Variants in LPP observed in about 807,000 individuals in gnomAD.
The protein encoded by LPP is lipoma-preferred partner.
LPP carries 38 observed loss-of-function variants against 60.4 expected under a neutral mutation model. The ratio of observed to expected loss-of-function variants is 0.63; its 90% CI spans 0.49 to 0.83. The LOEUF is 0.83. Among genes scored for constraint, LPP ranks in the 40% least tolerant of loss-of-function variants. The pLI is 0.00. For missense variants in LPP, 902 were observed against 783.6 expected, an observed-to-expected ratio of 1.15 and a Z score of -1.80; for synonymous variants, 328 against 290.8, an observed-to-expected ratio of 1.13 and a Z score of -1.30.
chr3:188,560,858 T>C (rs1830512986), intron 6 of LPP, among the ~76,000 whole-genome samples: 1 of 152,176 alleles, frequency 6.6e-6, no homozygotes, highest in South Asian at 2.1e-4. Context: ...CATTTATTCA[T>C]TAGTATTGAA....
chr3:188,167,970 C>T (rs955793503), intron 1 of LPP, among the ~76,000 whole-genome samples: 4 of 151,796 alleles, frequency 2.6e-5, no homozygotes, highest in African/African-American at 9.7e-5. Flanking sequence ...AAAAAATTTC[C>T]CAAGTAGTGG....
intron 4 of LPP, chr3:188,472,853 T>G (rs535758395): frequency 6.6e-6 from 1 of 152,334 alleles, no homozygotes; most frequent in Admixed American, 6.5e-5. Context: ...CCTCTTCTCT[T>G]CTTCATAGTC....
intron 1 of LPP, among the ~76,000 whole-genome samples, chr3:188,158,044 G>A (rs1045216123): frequency 6.6e-6 from 1 of 152,136 alleles, no homozygotes. Context: ...CCGTTAAGTG[G>A]TTCTGTAGAG....
chr3:188,704,596 A>T (rs1173834962), intron 7 of LPP, among the ~76,000 whole-genome samples: 1 of 152,142 alleles, frequency 6.6e-6, no homozygotes, highest in Non-Finnish European at 1.5e-5. Context: ...CCTCTACTTC[A>T]GCGGGAACTT....
chr3:188,721,888 T>C (rs1034652291), intron 8 of LPP, among the ~76,000 whole-genome samples: 1 of 152,152 alleles, frequency 6.6e-6, no homozygotes, highest in Non-Finnish European at 1.5e-5. Context: ...GTCTCATCTC[T>C]CATATCACGA....
rs1219244015 is a variant in LPP at position 188,524,878 on chromosome 3, CCCTTCCTTCCTTCCGTCCGTCCTT to C, written c.429+106_429+129del. The stretch of plus-strand genomic sequence containing the variant: ...CATGCTGCACCTGAGAGCTTATTTC[CCCTTCCTTCCTTCCGTCCGTCCTT>C]CCTTCCTTCCTTCCTTCCTTCCTTC... On this transcript the variant is annotated intron_variant, in intron 6 of 11. Coordinates refer to ENST00000617246, the MANE Select transcript of LPP (RefSeq NM_001375462.1). The C allele has an allele frequency of 1.8e-4, 112 of 634,234 alleles. 5 individuals carry two copies. Among genetic ancestry groups the C allele is most frequent in the Admixed American group, 8.8e-4 (23 of 26,024 alleles). The allele number at this position is 634,234 out of a possible 1,614,324, so 39.3% of individuals were successfully genotyped here. A position where few individuals can be genotyped will look rare whatever the true frequency, so the allele number is the denominator to read the frequency against.
At chr3:188,462,525 T>C (rs575026046) in intron 4 of LPP, among the ~76,000 whole-genome samples, 2 of 136,444 alleles carry the variant, frequency 1.5e-5, no homozygotes, top group South Asian at 2.3e-4. Flanking sequence ...CATATAAATT[T>C]AGCCAATTTA....
At position 188,885,587 on chromosome 3, in the gene LPP, C is replaced by T. The variant is rs939842579; in HGVS notation, c.*11108C>T. ...AAGTCTTTGCTATTGTGAATAGTGC[C>T]GCAATAAACATAAGTGTGCATGTGT... On this transcript the variant is annotated 3_prime_UTR_variant, in exon 12 of 12. Transcript: ENST00000617246. 12 of 164,368 alleles carry T rather than the reference C, an allele frequency of 7.3e-5. No individual in the cohort carries two copies. Among genetic ancestry groups the T allele is most frequent in the South Asian group, 2.0e-4 (1 of 4,914 alleles). The allele number at this position is 164,368 out of a possible 1,614,324, so 10.2% of individuals were successfully genotyped here.
At chr3:188,719,953 C>T (rs906074749) in intron 8 of LPP, among the ~76,000 whole-genome samples, 3 of 152,166 alleles carry the variant, frequency 2.0e-5, no homozygotes, top group African/African-American at 7.2e-5. Context: ...TGCTCCGTCG[C>T]CCAGGTTGGA....
At chr3:188,596,143 C>T (rs1839940725) in intron 6 of LPP, among the ~76,000 whole-genome samples, 1 of 152,080 alleles carries the variant, frequency 6.6e-6, no homozygotes, top group Non-Finnish European at 1.5e-5. Flanking sequence ...CACCCGTTTG[C>T]TGTAACCATT....
At chr3:188,783,976 A>T (rs749840084) in intron 9 of LPP, among the ~76,000 whole-genome samples, 15 of 152,090 alleles carry the variant, frequency 9.9e-5, no homozygotes, top group Non-Finnish European at 1.9e-4. Context: ...GTTTGGTTAC[A>T]TGAGTAAGTT....
rs998334566 is a variant in LPP, at chr3:188,374,194, G to GT, written c.-9-31912dup. 2.0e-4 allele frequency among the ~76,000 whole-genome samples: 30 copies of GT among 150,714 alleles called. 1 individual carries two copies. Among genetic ancestry groups the GT allele is most frequent in the Admixed American group, 1.9e-3 (29 of 15,174 alleles). The stretch of plus-strand genomic sequence containing the variant: ...TAGGATTGACTTGGCGATGCAGGCT[G>GT]TTTTTTGGTTCCAGATGAACTTTAA... On this transcript the variant is annotated intron_variant, in intron 3 of 11. Coordinates refer to ENST00000617246, the MANE Select transcript of LPP (RefSeq NM_001375462.1).
intron 2 of LPP, among the ~76,000 whole-genome samples, chr3:188,240,594 T>C (rs1724081272): frequency 6.6e-6 from 1 of 152,238 alleles, no homozygotes; most frequent in Middle Eastern, 3.4e-3. Flanking sequence ...ATTGAGTAGT[T>C]AGGATATTAG....
In LPP at chr3:188,346,242, G is replaced by A. The variant is rs1008398481; in HGVS notation, c.-10+4523G>A. Reference sequence around the variant, plus strand: ...CTTTCTGTCCAGGGACCTGCCTAAAGTAGCAAATCTTTTTTTTTTTTTTTT... The same window carrying A: ...CTTTCTGTCCAGGGACCTGCCTAAAATAGCAAATCTTTTTTTTTTTTTTTT... On this transcript the variant is annotated intron_variant, in intron 3 of 11. Coordinates refer to ENST00000617246, the MANE Select transcript of LPP (RefSeq NM_001375462.1). 1.6e-4 allele frequency among the ~76,000 whole-genome samples: 22 copies of A among 137,376 alleles called. No homozygotes were observed. In the East Asian group the frequency reaches 4.8e-3, roughly 30 times the overall value. 90.1% of individuals were successfully genotyped at this position (137,376 alleles called of 152,430 possible).
chr3:188,652,804 G>T (rs1852369428), intron 7 of LPP, among the ~76,000 whole-genome samples: 1 of 152,084 alleles, frequency 6.6e-6, no homozygotes, highest in Non-Finnish European at 1.5e-5. Context: ...CATTTACCAG[G>T]TCCTATTACT....
In LPP at chr3:188,760,230, G is replaced by A. The variant is rs1168524322; in HGVS notation, c.1358G>A (p.Gly453Glu). 6.2e-7 allele frequency: 1 copy of A among 1,614,106 alleles called. No homozygotes were observed. Among genetic ancestry groups the A allele is most frequent in the Admixed American group, 1.7e-5 (1 of 60,004 alleles). The part of the protein sequence containing the change: ...TCIICNNKLR[G>E]QPFYAVEKKA... ...ATCATCTGCAACAACAAGCTCCGAG[G>A]GCAGCCATTCTATGCTGTGGAAAAG... Residue 453 changes from glycine to glutamate, a missense_variant, in exon 9 of 12, where the codon GGG becomes GAG. Transcript: ENST00000617246.
rs3732909 is a variant in LPP, at chr3:188,609,895, T to C, written c.1113+51T>C. On this transcript the variant is annotated intron_variant, in intron 7 of 11. Coordinates refer to ENST00000617246, the MANE Select transcript of LPP (RefSeq NM_001375462.1). The surrounding 1 kb of genome is among the most constrained non-coding windows in gnomAD (Gnocchi z 6.9). ...GAGAATACAGGGGTGCCTATCTTAG[T>C]CTGCCTTCCCCAGGAAGCGAAGCCT... 139,663 of 1,527,958 alleles carry C rather than the reference T, an allele frequency of 0.091. 9,902 individuals carry two copies. The highest frequency in any genetic ancestry group is 0.31 in the African/African-American group (22,078 of 72,028). The allele number at this position is 1,527,958 out of a possible 1,614,324, so 94.7% of individuals were successfully genotyped here. A position where few individuals can be genotyped will look rare whatever the true frequency, so the allele number is the denominator to read the frequency against.
intron 2 of LPP, among the ~76,000 whole-genome samples, chr3:188,268,481 G>T (rs989223314): frequency 6.6e-6 from 1 of 152,228 alleles, no homozygotes; most frequent in Non-Finnish European, 1.5e-5. Flanking sequence ...GAAAACACAA[G>T]TGAGGTACAG....
chr3:188,320,260 C>T (rs1305838420), intron 2 of LPP, among the ~76,000 whole-genome samples: 1 of 152,154 alleles, frequency 6.6e-6, no homozygotes, highest in Non-Finnish European at 1.5e-5. Flanking sequence ...ATTGACTAGT[C>T]CTCAAACTAC....
Sources: allele counts gnomAD v4.1 joint callset (sites outside exome capture counted in the v4.1 genomes callset), GRCh38; gene constraint gnomAD v4.1.1; non-coding constraint Gnocchi (gnomAD v3.1); transcripts MANE v1.5; gene names NCBI Gene and HGNC (gene_info 2026-07-23, HGNC 2026-07-21).